UVRAG: variants seen among roughly 807,000 people sequenced by gnomAD.
UVRAG encodes UV radiation resistance associated.
In UVRAG, 19 loss-of-function variants were observed where a neutral mutation model predicts 78.0. The observed-to-expected ratio is 0.24, with a 90% CI of 0.17 to 0.36. The LOEUF is 0.36. Among genes scored for constraint, UVRAG ranks in the 10% least tolerant of loss-of-function variants. UVRAG has a pLI of 1.00. For missense variants in UVRAG, 740 were observed against 853.8 expected, an observed-to-expected ratio of 0.87 and a Z score of 1.66; for synonymous variants, 323 against 324.6, an observed-to-expected ratio of 1.00 and a Z score of 0.05.
chr11:76,008,749 T>C, intron 10 of UVRAG, 58 bp from the exon 11 acceptor site: 1 of 994,936 alleles, frequency 1.0e-6, no homozygotes. Context: ...TGATCTGAGA[T>C]TTAACTTAGA....
chr11:76,085,902 T>C (rs1951581763), intron 13 of UVRAG, among the ~76,000 whole-genome samples: 1 of 152,216 alleles, frequency 6.6e-6, no homozygotes, highest in Non-Finnish European at 1.5e-5. Flanking sequence ...TCTGGAGCTC[T>C]TTCTACATGT....
At chr11:76,026,284 C>G (rs911923042) in intron 12 of UVRAG, among the ~76,000 whole-genome samples, 6 of 152,042 alleles carry the variant, frequency 3.9e-5, no homozygotes, top group Admixed American at 6.6e-5. Flanking sequence ...GTAATTCTGA[C>G]TCCTCATTTC....
At chr11:75,833,153 T>A (rs1945698555) in intron 1 of UVRAG, among the ~76,000 whole-genome samples, 1 of 152,232 alleles carries the variant, frequency 6.6e-6, no homozygotes, top group Non-Finnish European at 1.5e-5. Flanking sequence ...AATGGCACCT[T>A]TTATTTTATA....
At chr11:76,086,529 T>C (rs1418627975) in intron 13 of UVRAG, among the ~76,000 whole-genome samples, 1 of 152,234 alleles carries the variant, frequency 6.6e-6, no homozygotes, top group African/African-American at 2.4e-5. Context: ...TTTGATGGCT[T>C]GTTAACATGA....
At chr11:76,058,969 T>A (rs1014227954) in intron 12 of UVRAG, among the ~76,000 whole-genome samples, 3 of 152,226 alleles carry the variant, frequency 2.0e-5, no homozygotes, top group Non-Finnish European at 4.4e-5. Flanking sequence ...AGGAAACCTC[T>A]TGAGCAAAAG....
chr11:75,831,796 A>G (rs145481782), intron 1 of UVRAG, among the ~76,000 whole-genome samples: 3 of 152,316 alleles, frequency 2.0e-5, no homozygotes, highest in African/African-American at 4.8e-5. Context: ...AATTGAAAAT[A>G]TCGCTAAGTC....
At chr11:75,815,935 C>T (rs1945255716) in intron 1 of UVRAG, among the ~76,000 whole-genome samples, 1 of 152,236 alleles carries the variant, frequency 6.6e-6, no homozygotes, top group South Asian at 2.1e-4. Flanking sequence ...CTTTCTTTCC[C>T]CACCTGGCCA....
intron 13 of UVRAG, among the ~76,000 whole-genome samples, chr11:76,095,539 T>C (rs577170728): frequency 1.3e-5 from 2 of 150,032 alleles, no homozygotes; most frequent in Non-Finnish European, 3.0e-5. Flanking sequence ...ATATATGTCT[T>C]ATATATCATA....
At chr11:75,978,269 A>T (rs1280181733) in intron 7 of UVRAG, among the ~76,000 whole-genome samples, 2 of 152,096 alleles carry the variant, frequency 1.3e-5, no homozygotes, top group Non-Finnish European at 2.9e-5. Flanking sequence ...CTTTGTGGGT[A>T]ACCTGACCTT....
intron 4 of UVRAG, among the ~76,000 whole-genome samples, chr11:75,881,695 G>A (rs1333131876): frequency 6.6e-6 from 1 of 152,200 alleles, no homozygotes; most frequent in East Asian, 1.9e-4. Context: ...GGGATTACAG[G>A]CATGAGCCAT....
chr11:75,899,929 C>A (rs1444770209), intron 5 of UVRAG, among the ~76,000 whole-genome samples: 1 of 152,142 alleles, frequency 6.6e-6, no homozygotes, highest in Non-Finnish European at 1.5e-5. Context: ...ATTGAATTAG[C>A]TTTTGACAGG....
At chr11:75,933,385 A>T (rs991290498) in intron 6 of UVRAG, among the ~76,000 whole-genome samples, 1 of 152,190 alleles carries the variant, frequency 6.6e-6, no homozygotes, top group Non-Finnish European at 1.5e-5. Flanking sequence ...TGAATCTAAG[A>T]CCTAAAACTA....
chr11:75,928,483 G>T lies in UVRAG; in HGVS notation c.593+16444G>T, dbSNP rs558915785. ...TGATTAATTGAATCAAATATTGATG[G>T]CTGGGACATGGTGGCTCACGCCTGT... is the stretch of plus-strand genomic sequence containing the variant. On this transcript the variant is annotated intron_variant, in intron 6 of 14. Transcript: ENST00000356136. Among the ~76,000 whole-genome samples, 20 of 152,230 alleles carry T rather than the reference G, an allele frequency of 1.3e-4. 1 individual carries two copies. In the South Asian group the frequency reaches 3.9e-3, roughly 30 times the overall value.
intron 14 of UVRAG, among the ~76,000 whole-genome samples, chr11:76,129,041 A>AATACT (rs1952468084): frequency 1.3e-5 from 2 of 152,214 alleles, no homozygotes; most frequent in Non-Finnish European, 1.5e-5. Flanking sequence ...CTTTGAACAT[A>AATACT]GTATTCAGTT....
chr11:76,137,364 C>A lies in UVRAG; in HGVS notation c.1398-3347C>A, dbSNP rs759637304. 51 of 456,042 alleles carry A rather than the reference C, an allele frequency of 1.1e-4. 1 individual carries two copies. The highest frequency in any genetic ancestry group is 7.1e-5 in the Admixed American group (3 of 42,536). The allele number at this position is 456,042 out of a possible 1,614,324, so 28.2% of individuals were successfully genotyped here. On this transcript the variant is annotated intron_variant, in intron 14 of 14. Coordinates refer to ENST00000356136, the MANE Select transcript of UVRAG (RefSeq NM_003369.4). ...AGACACCACTGAACATCCTGTAGTCCCCTTATTGTGTCATCGCTCAGTAAT... is the reference window on the plus strand; with the variant it reads ...AGACACCACTGAACATCCTGTAGTCACCTTATTGTGTCATCGCTCAGTAAT...
intron 5 of UVRAG, among the ~76,000 whole-genome samples, chr11:75,904,885 TTAG>T (rs1304570323): frequency 6.6e-6 from 1 of 152,206 alleles, no homozygotes; most frequent in Non-Finnish European, 1.5e-5. Flanking sequence ...ACTGTTTTTA[TTAG>T]TAGTAGTTGC....
intron 1 of UVRAG, among the ~76,000 whole-genome samples, chr11:75,821,326 T>A (rs1027389773): frequency 2.5e-4 from 38 of 152,312 alleles, no homozygotes; most frequent in African/African-American, 8.9e-4. Context: ...ATTCATCTCT[T>A]GATGGGTCCT....
chr11:76,007,422 T>G (rs543662887), intron 9 of UVRAG, 112 bp from the exon 10 acceptor site: 1 of 776,258 alleles, frequency 1.3e-6, no homozygotes, highest in African/African-American at 1.8e-5. Flanking sequence ...TGAGTTTCTG[T>G]GGCCTATTAC....
At chr11:76,057,786 C>T in intron 12 of UVRAG, among the ~76,000 whole-genome samples, 1 of 151,974 alleles carries the variant, frequency 6.6e-6, no homozygotes. Context: ...AGGTGCTTTA[C>T]TTTGGCCATA....
Sources: gnomAD v4.1 joint callset for allele counts (sites outside exome capture counted in the v4.1 genomes callset) on GRCh38, gnomAD v4.1.1 for gene constraint, MANE v1.5 for transcripts, NCBI Gene and HGNC (gene_info 2026-07-23, HGNC 2026-07-21) for gene names.